The following FAM135B variants were observed in gnomAD, a reference collection of about 807,000 sequenced individuals.
The protein encoded by FAM135B is family with sequence similarity 135 member B, also known as protein FAM135B.
In FAM135B, 43 loss-of-function variants were observed where a neutral mutation model predicts 127.7. The ratio of observed to expected loss-of-function variants is 0.34; its 90% confidence interval spans 0.26 to 0.43. The LOEUF (loss-of-function observed/expected upper bound fraction) is 0.43, where lower values mean the gene tolerates loss of function less well. FAM135B is among the 20% of genes least tolerant of loss of function. The pLI, the probability that FAM135B is intolerant of heterozygous loss-of-function variation, is 1.00. For synonymous variants in FAM135B, 670 were observed against 665.1 expected (o/e 1.01, Z -0.11); for missense variants, 1,558 against 1,725.6 (o/e 0.90, Z 1.72).
chr8:138,245,433 T>G (rs1385181790), intron 6 of FAM135B, among the ~76,000 whole-genome samples: 1 of 152,166 alleles, frequency 6.6e-6, no homozygotes, highest in East Asian at 1.9e-4. Flanking sequence ...CATGCTGTTC[T>G]CCTGCTAGTG....
At chr8:138,166,673 T>G (rs2130890079) in intron 12 of FAM135B, among the ~76,000 whole-genome samples, 1 of 152,292 alleles carries the variant, frequency 6.6e-6, no homozygotes, top group East Asian at 1.9e-4. Context: ...AAAACACTTC[T>G]AATATTAAAC....
chr8:138,398,361 A>G (rs1387775491), intron 1 of FAM135B, among the ~76,000 whole-genome samples: 1 of 152,224 alleles, frequency 6.6e-6, no homozygotes, highest in African/African-American at 2.4e-5. Context: ...GTTGCTAAAA[A>G]TAGCAGATAT....
intron 12 of FAM135B, 105 bp from the exon 13 acceptor site, chr8:138,153,321 G>A (rs1358176402): frequency 7.2e-5 from 65 of 901,122 alleles, no homozygotes; most frequent in East Asian, 1.4e-4. Flanking sequence ...ATGTGGACTC[G>A]GTTCGAAGAT....
intron 12 of FAM135B, among the ~76,000 whole-genome samples, chr8:138,157,874 C>G (rs909328122): frequency 6.6e-6 from 1 of 152,144 alleles, no homozygotes; most frequent in East Asian, 1.9e-4. Context: ...CCATAATGCC[C>G]AAGGTAATTT....
chr8:138,139,369 C>T (rs933511700), intron 17 of FAM135B, among the ~76,000 whole-genome samples: 3 of 152,122 alleles, frequency 2.0e-5, no homozygotes, highest in Admixed American at 2.0e-4. Context: ...AGTCAATCTC[C>T]TTCCGAAAAA....
In FAM135B at chr8:138,178,532, C is replaced by T. The variant is rs1814701454; in HGVS notation, c.1029+3G>A. The T allele has an allele frequency of 6.2e-7, 1 of 1,613,342 alleles. No homozygotes were observed. Among genetic ancestry groups the T allele is most frequent in the East Asian group, 2.2e-5 (1 of 44,850 alleles). ...AGAGAATGCACAGCAGTTGGCCACT[C>T]ACCCTCAGGGTGTGGTGTTCCTGGG... On this transcript the variant is annotated splice_donor_region_variant and intron_variant, in intron 10 of 19. Transcript: ENST00000395297.
intron 7 of FAM135B, among the ~76,000 whole-genome samples, chr8:138,220,615 C>A (rs570328331): frequency 3.9e-5 from 6 of 152,168 alleles, no homozygotes; most frequent in African/African-American, 1.4e-4. Flanking sequence ...ATTGTAAGTG[C>A]TTGGTAAGTA....
intron 1 of FAM135B, among the ~76,000 whole-genome samples, chr8:138,416,622 T>G (rs1834170494): frequency 1.3e-5 from 2 of 152,148 alleles, no homozygotes; most frequent in Admixed American, 1.3e-4. Context: ...GATATTCTTC[T>G]AAGCACTGGA....
At chr8:138,216,928 G>A (rs148308616) in intron 7 of FAM135B, among the ~76,000 whole-genome samples, 3 of 152,156 alleles carry the variant, frequency 2.0e-5, no homozygotes, top group African/African-American at 7.2e-5. Context: ...CAGGGCTTTG[G>A]GCTGTGGAGT....
intron 1 of FAM135B, among the ~76,000 whole-genome samples, chr8:138,461,934 G>A (rs576132321): frequency 6.6e-6 from 1 of 152,056 alleles, no homozygotes; most frequent in Admixed American, 6.6e-5. Context: ...TCATGTGGCT[G>A]TCATCCTGCC....
chr8:138,267,220 C>T (rs1165444396), intron 3 of FAM135B, among the ~76,000 whole-genome samples: 1 of 152,138 alleles, frequency 6.6e-6, no homozygotes, highest in African/African-American at 2.4e-5. Flanking sequence ...ACCTTTCCCA[C>T]CATGCAAGGA....
chr8:138,327,867 A>C (rs541999022), intron 2 of FAM135B, among the ~76,000 whole-genome samples: 1 of 152,332 alleles, frequency 6.6e-6, no homozygotes, highest in South Asian at 2.1e-4. Flanking sequence ...AGTTGATTTA[A>C]GGAAGAAGCA....
chr8:138,291,417 GGA>G (rs1418862144), intron 3 of FAM135B, among the ~76,000 whole-genome samples: 1 of 152,286 alleles, frequency 6.6e-6, no homozygotes, highest in East Asian at 1.9e-4. Context: ...AAATAGGATA[GGA>G]GGTAACACTT....
intron 9 of FAM135B, among the ~76,000 whole-genome samples, chr8:138,193,643 G>A (rs1273146776): frequency 2.6e-5 from 4 of 152,184 alleles, no homozygotes; most frequent in East Asian, 1.9e-4. Context: ...CCACAGGTAC[G>A]TGGCTCCGGC....
At chr8:138,354,623 C>T (rs1226760398) in intron 2 of FAM135B, among the ~76,000 whole-genome samples, 1 of 152,150 alleles carries the variant, frequency 6.6e-6, no homozygotes, top group Non-Finnish European at 1.5e-5. Context: ...AACTTGAGTT[C>T]ACAATTGTGT....
intron 1 of FAM135B, among the ~76,000 whole-genome samples, chr8:138,416,917 T>C (rs1834192193): frequency 1.3e-5 from 2 of 152,036 alleles, no homozygotes; most frequent in African/African-American, 2.4e-5. Flanking sequence ...GGAAGAGGTG[T>C]GTGAAAGAGG....
Position 138,262,903 on chromosome 8 carries a change from G to GAAAAAAAAAAAAAAAA in FAM135B, c.297+2784_297+2799dup, listed in dbSNP as rs71316332. On this transcript the variant is annotated intron_variant, in intron 4 of 19. Transcript: ENST00000395297. ...AGCGACAGTGGGAGACTCTGTCTCAGAAAAAAAAAAAAAAAAAAGCAACTA... is the reference window on the plus strand; with the variant it reads ...AGCGACAGTGGGAGACTCTGTCTCAGAAAAAAAAAAAAAAAAAAAAAAAAAAAAAAAAAAGCAACTA... Among the ~76,000 whole-genome samples the GAAAAAAAAAAAAAAAA allele has an allele frequency of 2.1e-5, 2 of 95,366 alleles. 1 individual carries two copies. Among genetic ancestry groups the GAAAAAAAAAAAAAAAA allele is most frequent in the Non-Finnish European group, 3.8e-5 (2 of 52,186 alleles). The allele number at this position is 95,366 out of a possible 152,430, so 62.6% of individuals were successfully genotyped here. A position where few individuals can be genotyped will look rare whatever the true frequency, so the allele number is the denominator to read the frequency against.
chr8:138,313,428 G>A (rs1436798566), intron 2 of FAM135B, among the ~76,000 whole-genome samples: 1 of 151,722 alleles, frequency 6.6e-6, no homozygotes, highest in African/African-American at 2.4e-5. Context: ...CACCGTGCCT[G>A]GCCTAAAACA....
chr8:138,420,558 A>C (rs1029520980), intron 1 of FAM135B, among the ~76,000 whole-genome samples: 5 of 151,988 alleles, frequency 3.3e-5, no homozygotes, highest in African/African-American at 1.2e-4. Context: ...CAACAGAAAA[A>C]GAAAACAGTC....
Sources: allele counts gnomAD v4.1 joint callset (sites outside exome capture counted in the v4.1 genomes callset), GRCh38; gene constraint gnomAD v4.1.1; transcripts MANE v1.5; gene names NCBI Gene and HGNC (gene_info 2026-07-23, HGNC 2026-07-21).